PTPN4: variants seen among roughly 807,000 people sequenced by gnomAD.
PTPN4 encodes tyrosine-protein phosphatase non-receptor type 4.
A neutral mutation model predicts 135.5 loss-of-function variants in PTPN4; 49 were observed. The observed-to-expected ratio is 0.36, with a 90% CI of 0.29 to 0.46. The LOEUF is 0.46. PTPN4 is among the 20% of genes least tolerant of loss of function. PTPN4 has a pLI of 1.00. For missense variants in PTPN4, 860 were observed against 1,101.0 expected (o/e 0.78, Z 3.10); for synonymous variants, 333 against 369.9 (o/e 0.90, Z 1.14).
intron 2 of PTPN4, among the ~76,000 whole-genome samples, chr2:119,826,621 C>T (rs1261955039): frequency 6.6e-6 from 1 of 152,204 alleles, no homozygotes; most frequent in African/African-American, 2.4e-5. Context: ...AATCCCTCCC[C>T]TATCCCCCAC....
chr2:119,760,723 G>A (rs1285959853), intron 1 of PTPN4, among the ~76,000 whole-genome samples: 2 of 138,362 alleles, frequency 1.4e-5, no homozygotes, highest in African/African-American at 5.5e-5. Flanking sequence ...TTCCATTGCT[G>A]GTAGAATTCC....
intron 1 of PTPN4, among the ~76,000 whole-genome samples, chr2:119,793,179 A>C (rs996576384): frequency 6.6e-6 from 1 of 152,186 alleles, no homozygotes; most frequent in Non-Finnish European, 1.5e-5. Context: ...CAACTGCATA[A>C]GGCAGACGCT....
At chr2:119,943,885 C>T (rs977310044) in intron 15 of PTPN4, among the ~76,000 whole-genome samples, 4 of 152,044 alleles carry the variant, frequency 2.6e-5, no homozygotes, top group African/African-American at 9.7e-5. Context: ...AGCCACTGTG[C>T]CCAGCCCATA....
intron 2 of PTPN4, among the ~76,000 whole-genome samples, chr2:119,837,945 G>A (rs1272158592): frequency 6.6e-6 from 1 of 152,190 alleles, no homozygotes; most frequent in African/African-American, 2.4e-5. Flanking sequence ...GTGCTCACTC[G>A]CCCACACACC....
At chr2:119,971,538 G>A (rs545023358) in intron 26 of PTPN4, among the ~76,000 whole-genome samples, 38 of 152,276 alleles carry the variant, frequency 2.5e-4, no homozygotes, top group African/African-American at 6.7e-4. Flanking sequence ...TTTTATTGGC[G>A]AGTTGTAAGT....
intron 1 of PTPN4, 103 bp from the exon 2 acceptor site, chr2:119,809,734 C>A: frequency 1.0e-6 from 1 of 996,962 alleles, no homozygotes; most frequent in Non-Finnish European, 1.4e-6. Context: ...AACTGTTTTC[C>A]ACCTAAGTTT....
At chr2:119,826,477 C>G (rs889935195) in intron 2 of PTPN4, among the ~76,000 whole-genome samples, 12 of 152,180 alleles carry the variant, frequency 7.9e-5, no homozygotes, top group African/African-American at 2.7e-4. Flanking sequence ...TTGCATCTCC[C>G]CAACCCAATC....
intron 3 of PTPN4, among the ~76,000 whole-genome samples, chr2:119,867,256 T>A (rs536509858): frequency 6.6e-6 from 1 of 152,228 alleles, no homozygotes; most frequent in East Asian, 1.9e-4. Flanking sequence ...ATCCCTGTGG[T>A]TATAGTGTAG....
chr2:119,760,328 C>G lies in PTPN4; in HGVS notation c.-74C>G, dbSNP rs1690457963. The G allele has an allele frequency of 2.5e-6, 1 of 395,026 alleles. No homozygotes were observed. The highest frequency in any genetic ancestry group is 2.1e-5 in the African/African-American group (1 of 48,576). 24.5% of individuals were successfully genotyped at this position (395,026 alleles called of 1,614,324 possible). ...GGAGGACGCGCTTCTCCTCTGCGCG[C>G]CGGGGCCTCGAGGCTTTTTTTCTCC... On this transcript the variant is annotated 5_prime_UTR_variant, in exon 1 of 27. Transcript: ENST00000263708.
At chr2:119,925,714 C>A (rs1678814570) in intron 12 of PTPN4, among the ~76,000 whole-genome samples, 1 of 152,178 alleles carries the variant, frequency 6.6e-6, no homozygotes, top group Non-Finnish European at 1.5e-5. Context: ...TGTTGTCATA[C>A]TTAAAATGTT....
At chr2:119,767,985 T>G (rs1391018850) in intron 1 of PTPN4, among the ~76,000 whole-genome samples, 2 of 152,242 alleles carry the variant, frequency 1.3e-5, no homozygotes, top group African/African-American at 4.8e-5. Flanking sequence ...CCTTCAGGTC[T>G]GATGATTGCT....
chr2:119,847,518 T>C (rs1055455826), intron 2 of PTPN4, among the ~76,000 whole-genome samples: 4 of 151,786 alleles, frequency 2.6e-5, no homozygotes, highest in Admixed American at 2.6e-4. Flanking sequence ...GTAGAAACGG[T>C]ATTTCTCCAC....
In PTPN4 at chr2:119,918,794, G is replaced by A. The variant is rs185144257; in HGVS notation, c.829-1275G>A. Among the ~76,000 whole-genome samples the A allele has an allele frequency of 1.6e-4, 25 of 152,278 alleles. 1 individual carries two copies. In the East Asian group the frequency reaches 3.3e-3, roughly 20 times the overall value. ...CAGAGAACATACAGGAATATGCATG[G>A]CTGCATTCTTCTTATATCCCCAAAC... On this transcript the variant is annotated intron_variant, in intron 11 of 26. Transcript: ENST00000263708.
chr2:119,787,301 A>G (rs1167465415), intron 1 of PTPN4, among the ~76,000 whole-genome samples: 1 of 152,232 alleles, frequency 6.6e-6, no homozygotes, highest in East Asian at 1.9e-4. Flanking sequence ...ATGTTTCTAT[A>G]TAATACATAC....
At chr2:119,895,809 C>T (rs1277325916) in intron 9 of PTPN4, among the ~76,000 whole-genome samples, 1 of 151,486 alleles carries the variant, frequency 6.6e-6, no homozygotes, top group African/African-American at 2.4e-5. Flanking sequence ...CCCAGCTACT[C>T]TGGAGGCTGA....
At position 119,926,643 on chromosome 2, in the gene PTPN4, A is replaced by G; in HGVS notation, c.1047A>G (p.Ala349=). 1 of 1,605,496 alleles carries G rather than the reference A, an allele frequency of 6.2e-7. No homozygotes were observed. Residue 349 remains alanine, a synonymous_variant, in exon 13 of 27, where the codon GCA becomes GCG. Transcript: ENST00000263708. ...VQSVQYGKEK[A]NKDRVFARSP... ...CAGTTCAGTATGGCAAAGAAAAGGC[A>G]AATAAAGACAGGGTATTTGCAAGGT...
rs772379351 is a variant in PTPN4, at chr2:119,951,953, T to A, written c.1657-20T>A. The A allele has an allele frequency of 1.3e-6, 2 of 1,563,856 alleles. No homozygotes were observed. Among genetic ancestry groups the A allele is most frequent in the South Asian group, 2.4e-5 (2 of 82,760 alleles). On this transcript the variant is annotated intron_variant, in intron 18 of 26. Coordinates refer to ENST00000263708, the MANE Select transcript of PTPN4 (RefSeq NM_002830.4). ...GAAAGTTGCATGCCAATCTGAAACC[T>A]TATCTATATTATATTACAGGCTGAC...
rs541654434 is a variant in PTPN4, at chr2:119,905,831, A to G, written c.764+5025A>G. 4.4e-3 allele frequency among the ~76,000 whole-genome samples: 668 copies of G among 152,334 alleles called. 7 individuals are homozygous for G. The highest frequency in any genetic ancestry group is 5.5e-3 in the Non-Finnish European group (373 of 68,028). On this transcript the variant is annotated intron_variant, in intron 10 of 26. Coordinates refer to ENST00000263708, the MANE Select transcript of PTPN4 (RefSeq NM_002830.4). ...GGAACTTTGGAAACTGTACAAATAC[A>G]TGGAAATTAAACAACACTCTCCTGA...
At chr2:119,814,485 G>A (rs1207571331) in intron 2 of PTPN4, among the ~76,000 whole-genome samples, 3 of 152,070 alleles carry the variant, frequency 2.0e-5, no homozygotes, top group Non-Finnish European at 4.4e-5. Context: ...TTTCAGTCCT[G>A]ACCCTGCCTT....
Sources: allele counts gnomAD v4.1 joint callset (sites outside exome capture counted in the v4.1 genomes callset), GRCh38; gene constraint gnomAD v4.1.1; transcripts MANE v1.5; gene names NCBI Gene and HGNC (gene_info 2026-07-23, HGNC 2026-07-21).